WDTC1: variants seen among roughly 807,000 people sequenced by gnomAD.
WDTC1 encodes WD and tetratricopeptide repeats 1.
In WDTC1, 12 loss-of-function variants were observed where a neutral mutation model predicts 76.0. That is an observed-to-expected ratio of 0.16 (90% CI 0.10 to 0.26). WDTC1 has a LOEUF of 0.26. WDTC1 is among the 10% of genes least tolerant of loss of function. The pLI, the probability that WDTC1 is intolerant of heterozygous loss-of-function variation, is 1.00. For synonymous variants in WDTC1, 326 were observed against 350.8 expected (o/e 0.93, Z 0.79); for missense variants, 511 against 908.8 (o/e 0.56, Z 5.63).
chr1:27,251,524 T>C (rs183930540), intron 1 of WDTC1, among the ~76,000 whole-genome samples: 9 of 152,226 alleles, frequency 5.9e-5, no homozygotes, highest in East Asian at 3.9e-4. Flanking sequence ...TCCTAACTTA[T>C]AGTAGACCTT....
chr1:27,256,940 C>T (rs544065585), intron 1 of WDTC1, among the ~76,000 whole-genome samples: 117 of 152,320 alleles, frequency 7.7e-4, no homozygotes, highest in South Asian at 2.1e-3. Context: ...CGTCTCACTG[C>T]AAGCTCCGTC....
intron 6 of WDTC1, among the ~76,000 whole-genome samples, chr1:27,288,989 C>T (rs1470894665): frequency 7.0e-6 from 1 of 142,142 alleles, no homozygotes; most frequent in African/African-American, 2.6e-5. Context: ...GCTGACCCCC[C>T]CCCCACCTCC....
intron 2 of WDTC1, 47 bp downstream of exon 2, chr1:27,261,149 C>T (rs754782545): frequency 6.2e-6 from 10 of 1,609,188 alleles, no homozygotes; most frequent in African/African-American, 1.3e-5. Flanking sequence ...CTTTTCTTTC[C>T]CACAGATTGA....
At chr1:27,293,946 T>A (rs1344814510) in intron 7 of WDTC1, 76 bp from the exon 8 acceptor site, 1 of 1,388,612 alleles carries the variant, frequency 7.2e-7, no homozygotes, top group African/African-American at 1.4e-5. Context: ...ATGTAAGTTT[T>A]CGTCTAGTGA....
chr1:27,305,298 G>T lies in WDTC1; in HGVS notation c.1836+105G>T. On this transcript the variant is annotated intron_variant, in intron 15 of 15. Coordinates refer to ENST00000319394, the MANE Select transcript of WDTC1 (RefSeq NM_001276252.2). This position sits in a 1 kb window ranked among gnomAD's most constrained non-coding sequence, Gnocchi z 4.6. ...GAAATGAGCCACCCAGAGGCTAGAA[G>T]CTGCTAAGTAAGCCTTACCCCGGGG... The T allele has an allele frequency of 1.4e-6, 2 of 1,379,852 alleles. No homozygotes were observed. The highest frequency in any genetic ancestry group is 1.9e-6 in the Non-Finnish European group (2 of 1,040,768). 85.5% of individuals were successfully genotyped at this position (1,379,852 alleles called of 1,614,324 possible).
At chr1:27,304,486 T>G (rs2013906758) in intron 14 of WDTC1, 1 of 154,130 alleles carries the variant, frequency 6.5e-6, no homozygotes, top group South Asian at 2.0e-4. Context: ...CGTGCACCTG[T>G]AGTCCCAGCT....
intron 3 of WDTC1, among the ~76,000 whole-genome samples, chr1:27,263,974 G>A (rs1449128655): frequency 1.3e-5 from 2 of 151,714 alleles, no homozygotes; most frequent in East Asian, 3.9e-4. Flanking sequence ...AAGCAATGCT[G>A]TAGGGATGTA....
At chr1:27,252,276 G>C (rs1279153245) in intron 1 of WDTC1, among the ~76,000 whole-genome samples, 1 of 151,704 alleles carries the variant, frequency 6.6e-6, no homozygotes, top group Non-Finnish European at 1.5e-5. Flanking sequence ...GAGCTGGGGA[G>C]GTCTAGGCTA....
At chr1:27,255,678 CCT>C (rs2012253591) in intron 1 of WDTC1, 1 of 152,368 alleles carries the variant, frequency 6.6e-6, no homozygotes, top group Non-Finnish European at 1.5e-5. Flanking sequence ...ACGCGATTCT[CCT>C]GCCTCAGCCT....
chr1:27,306,162 G>C lies in WDTC1; in HGVS notation c.1837-24G>C, dbSNP rs774057799. The C allele has an allele frequency of 4.3e-6, 7 of 1,613,656 alleles. No individual in the cohort carries two copies. The highest frequency in any genetic ancestry group is 3.4e-6 in the Non-Finnish European group (4 of 1,179,888). On this transcript the variant is annotated intron_variant, in intron 15 of 15. Transcript: ENST00000319394. The surrounding 1 kb of genome is among the most constrained non-coding windows in gnomAD (Gnocchi z 5.0). ...GCCTCTCCCTCCCTGAGCCCCACGT[G>C]TGTCACCCCTTTCTCCACCACAGAG... is the stretch of plus-strand genomic sequence containing the variant.
chr1:27,243,241 CTG>C (rs1298505544), intron 1 of WDTC1, among the ~76,000 whole-genome samples: 1 of 116,424 alleles, frequency 8.6e-6, no homozygotes, highest in Non-Finnish European at 1.6e-5. Context: ...ATGTCTCACT[CTG>C]TCACCCAGGC....
intron 3 of WDTC1, among the ~76,000 whole-genome samples, chr1:27,273,827 G>A (rs955810953): frequency 6.6e-6 from 1 of 152,004 alleles, no homozygotes; most frequent in African/African-American, 2.4e-5. Flanking sequence ...ACACGTGTGT[G>A]TGTGTGTGTG....
rs2013986680 is a variant in WDTC1 at position 27,307,551 on chromosome 1, C to T, written c.*1168C>T. The T allele has an allele frequency of 6.5e-6, 1 of 152,938 alleles. No individual in the cohort carries two copies. Among genetic ancestry groups the T allele is most frequent in the African/African-American group, 2.4e-5 (1 of 41,394 alleles). The allele number at this position is 152,938 out of a possible 1,614,324, so 9.5% of individuals were successfully genotyped here. A position where few individuals can be genotyped will look rare whatever the true frequency, so the allele number is the denominator to read the frequency against. On this transcript the variant is annotated 3_prime_UTR_variant, in exon 16 of 16. Transcript: ENST00000319394. The surrounding 1 kb of genome is among the most constrained non-coding windows in gnomAD (Gnocchi z 4.1). ...CTTCCCCTTCAGTGCTTACTTGGCTCCAGCCCTCCAGCTGCAGCCCCTGGG... is the reference window on the plus strand; with the variant it reads ...CTTCCCCTTCAGTGCTTACTTGGCTTCAGCCCTCCAGCTGCAGCCCCTGGG...
intron 3 of WDTC1, among the ~76,000 whole-genome samples, chr1:27,281,695 C>T (rs1405353459): frequency 1.3e-5 from 2 of 152,022 alleles, no homozygotes; most frequent in Admixed American, 6.6e-5. Flanking sequence ...CTCAAGTCAT[C>T]CTCCCAACCT....
At chr1:27,299,011 G>T (rs2013764790) in intron 12 of WDTC1, among the ~76,000 whole-genome samples, 1 of 152,180 alleles carries the variant, frequency 6.6e-6, no homozygotes, top group Admixed American at 6.6e-5. Context: ...GTTGGCCAAG[G>T]GCTCAGGTGG....
intron 6 of WDTC1, among the ~76,000 whole-genome samples, chr1:27,288,678 G>A (rs2013415788): frequency 6.6e-6 from 1 of 151,616 alleles, no homozygotes. Flanking sequence ...TAAGGTCACA[G>A]ATCAACAGGA....
intron 2 of WDTC1, 29 bp downstream of exon 2, chr1:27,261,131 C>A: frequency 6.2e-7 from 1 of 1,613,052 alleles, no homozygotes; most frequent in South Asian, 1.1e-5. Context: ...TGCACCAGAT[C>A]ATGAGATCTT....
chr1:27,305,061 GACC>G lies in WDTC1; in HGVS notation c.1709_1711del (p.Thr570del). On this transcript the variant is annotated inframe_deletion, in exon 15 of 16. Transcript: ENST00000319394. The surrounding 1 kb of genome is among the most constrained non-coding windows in gnomAD (Gnocchi z 4.6). ...GCTCCTTCTTCATCTGGGAAAAGGAGACCACCAACCTGGTCCGTGTGCTCCAAG... is the reference window on the plus strand; with the variant it reads ...GCTCCTTCTTCATCTGGGAAAAGGAGACCAACCTGGTCCGTGTGCTCCAAG... 1 of 1,614,022 alleles carries G rather than the reference GACC, an allele frequency of 6.2e-7. No individual in the cohort carries two copies. Among genetic ancestry groups the G allele is most frequent in the South Asian group, 1.1e-5 (1 of 91,080 alleles).
chr1:27,246,452 A>G (rs942238669), intron 1 of WDTC1, among the ~76,000 whole-genome samples: 2 of 152,146 alleles, frequency 1.3e-5, no homozygotes, highest in South Asian at 4.1e-4. Flanking sequence ...ATATTAACAC[A>G]TTATATTTAT....
Sources: gnomAD v4.1 joint callset for allele counts (sites outside exome capture counted in the v4.1 genomes callset) on GRCh38, gnomAD v4.1.1 for gene constraint, Gnocchi (gnomAD v3.1) non-coding constraint, MANE v1.5 for transcripts, NCBI Gene and HGNC (gene_info 2026-07-23, HGNC 2026-07-21) for gene names.